The following KATNAL1 variants were observed in gnomAD, a reference collection of about 807,000 sequenced individuals.
The protein encoded by KATNAL1 is katanin p60 ATPase-containing subunit A-like 1.
Under a neutral mutation model 55.2 loss-of-function variants are expected in KATNAL1, and 32 were observed. The ratio of observed to expected loss-of-function variants is 0.58; its 90% CI spans 0.44 to 0.78. KATNAL1 has a LOEUF of 0.78. Among genes scored for constraint, KATNAL1 ranks in the 30% least tolerant of loss-of-function variants. The pLI is 0.00. For missense variants in KATNAL1, 466 were observed against 600.9 expected (o/e 0.78, Z 2.35); for synonymous variants, 193 against 193.6 (o/e 1.00, Z 0.02).
intron 9 of KATNAL1, among the ~76,000 whole-genome samples, chr13:30,215,322 T>C (rs1874105436): frequency 6.6e-6 from 1 of 152,188 alleles, no homozygotes; most frequent in Non-Finnish European, 1.5e-5. Flanking sequence ...TTTACACTGT[T>C]GATGGGACCG....
intron 6 of KATNAL1, 112 bp from the exon 7 acceptor site, chr13:30,231,584 A>C: frequency 1.6e-6 from 1 of 622,944 alleles, no homozygotes; most frequent in Non-Finnish European, 2.4e-6. Context: ...ATAAACTCAA[A>C]ATTGTCACAG....
intron 1 of KATNAL1, chr13:30,306,963 C>A (rs1429956547): frequency 6.6e-6 from 1 of 152,444 alleles, no homozygotes; most frequent in East Asian, 1.9e-4. Flanking sequence ...TCCCAACGCA[C>A]AGAGCCCAGG....
chr13:30,270,775 G>GGAAGGCC, intron 3 of KATNAL1, among the ~76,000 whole-genome samples: 1 of 148,928 alleles, frequency 6.7e-6, no homozygotes, highest in East Asian at 2.0e-4. Context: ...CAAACACTGC[G>GGAAGGCC]GAAGGCCGCA....
At chr13:30,267,043 G>A (rs1879834925) in intron 3 of KATNAL1, among the ~76,000 whole-genome samples, 1 of 152,046 alleles carries the variant, frequency 6.6e-6, no homozygotes, top group Non-Finnish European at 1.5e-5. Flanking sequence ...TTTGAGAGTG[G>A]GGCAAGGGGT....
At chr13:30,252,410 G>A (rs1878403303) in intron 4 of KATNAL1, among the ~76,000 whole-genome samples, 1 of 152,158 alleles carries the variant, frequency 6.6e-6, no homozygotes, top group Non-Finnish European at 1.5e-5. Context: ...AGCAAGATAT[G>A]TCTAACTTCT....
intron 6 of KATNAL1, among the ~76,000 whole-genome samples, chr13:30,239,956 T>C (rs970613929): frequency 1.3e-5 from 2 of 152,138 alleles, no homozygotes; most frequent in African/African-American, 4.8e-5. Flanking sequence ...AGTGCTGGGA[T>C]TACAGGTGTA....
chr13:30,255,599 T>G lies in KATNAL1; in HGVS notation c.340A>C (p.Arg114=). Residue 114 remains arginine, a synonymous_variant, in exon 4 of 11, where the codon AGG becomes CGG. Transcript: ENST00000380615. ...PAEHRAPPQI[R]RPNREVRPLR... ...GGTCTTACTTCTCGATTGGGACGCC[T>G]GATCTGAGGTGGAGCTCTGACAAAA... 1 of 1,491,302 alleles carries G rather than the reference T, an allele frequency of 6.7e-7. No individual in the cohort carries two copies. Among genetic ancestry groups the G allele is most frequent in the Non-Finnish European group, 8.9e-7 (1 of 1,126,358 alleles). 92.4% of individuals were successfully genotyped at this position (1,491,302 alleles called of 1,614,324 possible). A position where few individuals can be genotyped will look rare whatever the true frequency, so the allele number is the denominator to read the frequency against.
chr13:30,209,742 G>A (rs180819729), intron 10 of KATNAL1, among the ~76,000 whole-genome samples: 23 of 152,270 alleles, frequency 1.5e-4, no homozygotes, highest in Admixed American at 1.4e-3. Flanking sequence ...ACTAATCTTA[G>A]GTTGTCAAAG....
At chr13:30,286,448 G>A (rs1331474041) in intron 1 of KATNAL1, among the ~76,000 whole-genome samples, 1 of 152,210 alleles carries the variant, frequency 6.6e-6, no homozygotes, top group Non-Finnish European at 1.5e-5. Context: ...CCCAAGTTTT[G>A]GCAGCTTCCA....
intron 6 of KATNAL1, among the ~76,000 whole-genome samples, chr13:30,233,562 C>CT (rs1261413509): frequency 1.3e-5 from 2 of 148,850 alleles, no homozygotes; most frequent in Non-Finnish European, 3.0e-5. Flanking sequence ...GCAGATCTAC[C>CT]ATATGATCCA....
intron 3 of KATNAL1, among the ~76,000 whole-genome samples, chr13:30,270,151 G>T: frequency 7.3e-6 from 1 of 136,446 alleles, no homozygotes; most frequent in Admixed American, 7.0e-5. Flanking sequence ...CCCCTACTGG[G>T]AAGTGAGGAG....
intron 3 of KATNAL1, among the ~76,000 whole-genome samples, chr13:30,278,485 G>T (rs768618617): frequency 2.0e-5 from 3 of 152,226 alleles, no homozygotes; most frequent in African/African-American, 4.8e-5. Flanking sequence ...AACTGGACTA[G>T]TGTCACTGTA....
intron 9 of KATNAL1, among the ~76,000 whole-genome samples, chr13:30,226,818 G>A (rs1057105172): frequency 4.6e-5 from 7 of 152,076 alleles, no homozygotes; most frequent in African/African-American, 1.2e-4. Flanking sequence ...GGTTCACACC[G>A]GTAATCCCAG....
chr13:30,254,824 C>T (rs954618867), intron 4 of KATNAL1, among the ~76,000 whole-genome samples: 3 of 152,150 alleles, frequency 2.0e-5, no homozygotes, highest in Non-Finnish European at 4.4e-5. Context: ...CACATCAGAT[C>T]ATCCTGGCTA....
chr13:30,251,082 G>A (rs969452067), intron 4 of KATNAL1, among the ~76,000 whole-genome samples: 3 of 145,582 alleles, frequency 2.1e-5, no homozygotes, highest in East Asian at 4.0e-4. Context: ...AGCTTGCAGC[G>A]AGCCGAGATC....
chr13:30,229,846 T>A (rs868862525), intron 8 of KATNAL1, among the ~76,000 whole-genome samples: 1 of 151,958 alleles, frequency 6.6e-6, no homozygotes, highest in Non-Finnish European at 1.5e-5. Context: ...AAATTGAAAT[T>A]TAAAAATATT....
intron 1 of KATNAL1, among the ~76,000 whole-genome samples, chr13:30,303,364 A>T (rs969050937): frequency 2.0e-5 from 3 of 152,206 alleles, no homozygotes. Flanking sequence ...TTTCCCTGGG[A>T]CTACCATATA....
chr13:30,205,002 G>A lies in KATNAL1; in HGVS notation c.*3538C>T, dbSNP rs1444295108. ...ATTTCCTTTAAAAAAAGAAATTATG[G>A]GGGCAAAAGGTTTATAGTAAACATG... On this transcript the variant is annotated 3_prime_UTR_variant, in exon 11 of 11. Coordinates refer to ENST00000380615, the MANE Select transcript of KATNAL1 (RefSeq NM_032116.5). 6.6e-6 allele frequency: 1 copy of A among 152,078 alleles called. No homozygotes were observed. The highest frequency in any genetic ancestry group is 1.5e-5 in the Non-Finnish European group (1 of 68,004). The allele number at this position is 152,078 out of a possible 1,614,324, so 9.4% of individuals were successfully genotyped here. A position where few individuals can be genotyped will look rare whatever the true frequency, so the allele number is the denominator to read the frequency against.
chr13:30,230,634 A>C, intron 7 of KATNAL1, 40 bp from the exon 8 acceptor site: 316 of 1,457,500 alleles, frequency 2.2e-4, no homozygotes, highest in Non-Finnish European at 2.7e-4. Flanking sequence ...CAATAATCTC[A>C]TAAAACAATT....
Sources: gnomAD v4.1 joint callset for allele counts (sites outside exome capture counted in the v4.1 genomes callset) on GRCh38, gnomAD v4.1.1 for gene constraint, MANE v1.5 for transcripts, NCBI Gene and HGNC (gene_info 2026-07-23, HGNC 2026-07-21) for gene names.